GLB1L: variants seen among roughly 807,000 people sequenced by gnomAD.
The protein encoded by GLB1L is galactosidase beta 1 like.
A neutral mutation model predicts 75.7 loss-of-function variants in GLB1L; 58 were observed. That is an observed-to-expected ratio of 0.77 (90% CI 0.62 to 0.95). GLB1L has a LOEUF of 0.95. Among genes scored for constraint, GLB1L ranks in the 40% least tolerant of loss-of-function variants. The pLI is 0.00. For missense variants in GLB1L, 797 were observed against 805.5 expected (o/e 0.99, Z 0.13); for synonymous variants, 296 against 303.0 (o/e 0.98, Z 0.24).
Position 219,236,764 on chromosome 2 carries a change from T to A in GLB1L, c.*308A>T. The A allele has an allele frequency of 3.6e-6, 1 of 278,060 alleles. No homozygotes were observed. Among genetic ancestry groups the A allele is most frequent in the East Asian group, 6.6e-5 (1 of 15,132 alleles). 17.2% of individuals were successfully genotyped at this position (278,060 alleles called of 1,614,324 possible). A position where few individuals can be genotyped will look rare whatever the true frequency, so the allele number is the denominator to read the frequency against. On this transcript the variant is annotated 3_prime_UTR_variant, in exon 17 of 17. Transcript: ENST00000295759. ...ATGTCCCAGGTCCAAGGGTTACTTT[T>A]TTTTTTTTTTTTTTTTTTGAGATGG...
chr2:219,243,639 G>A lies in GLB1L; in HGVS notation c.-66C>T, dbSNP rs1951455099. Reference sequence around the variant, plus strand: ...CCGTCACGTGTCGGATTCCTGGGAGGGAACCTCAGCGAGCAAGGGGGCGGA... The same window carrying A: ...CCGTCACGTGTCGGATTCCTGGGAGAGAACCTCAGCGAGCAAGGGGGCGGA... On this transcript the variant is annotated 5_prime_UTR_variant, in exon 2 of 17. Coordinates refer to ENST00000295759, the MANE Select transcript of GLB1L (RefSeq NM_001286423.2). The A allele has an allele frequency of 4.5e-6, 7 of 1,549,982 alleles. No individual in the cohort carries two copies. The highest frequency in any genetic ancestry group is 6.2e-6 in the Non-Finnish European group (7 of 1,123,380).
At position 219,243,089 on chromosome 2, in the gene GLB1L, A is replaced by G; in HGVS notation, c.239+59T>C. 4.5e-6 allele frequency: 7 copies of G among 1,558,412 alleles called. 1 individual carries two copies. The South Asian group carries it at 8.3e-5, about 19-fold the overall frequency. The stretch of plus-strand genomic sequence containing the variant: ...GTCTTCCTGTCCCGACCTTCTTTAT[A>G]AGGGGGCGGTAGAAAAAGTAGATCC... On this transcript the variant is annotated intron_variant, in intron 3 of 16. Coordinates refer to ENST00000295759, the MANE Select transcript of GLB1L (RefSeq NM_001286423.2).
Position 219,237,291 on chromosome 2 carries a change from T to C in GLB1L, c.1746A>G (p.Pro582=). The C allele has an allele frequency of 6.2e-7, 1 of 1,614,144 alleles. No homozygotes were observed. The highest frequency in any genetic ancestry group is 8.5e-7 in the Non-Finnish European group (1 of 1,180,016). Residue 582 remains proline, a synonymous_variant, in exon 17 of 17, where the codon CCA becomes CCG. Transcript: ENST00000295759. ...NLGRYWTKQG[P]QQTLYVPRFL... is the part of the protein sequence containing the mutation. ...ATCTTGGCACGTAGAGGGTCTGTTG[T>C]GGCCCCTGCTTTGTCCAGTACCGGC...
In GLB1L at chr2:219,238,996, CA is replaced by C. The variant is rs1162515324; in HGVS notation, c.1062+95del. 11 of 959,666 alleles carry C rather than the reference CA, an allele frequency of 1.1e-5. No individual in the cohort carries two copies. In the Admixed American group the frequency reaches 2.3e-4, roughly 20 times the overall value. The allele number at this position is 959,666 out of a possible 1,614,324, so 59.4% of individuals were successfully genotyped here. ...TGCTCAGAAGGCTCTGTGGCCCAGACAATAACCACCAATTTATGGGATACCT... is the reference window on the plus strand; with the variant it reads ...TGCTCAGAAGGCTCTGTGGCCCAGACATAACCACCAATTTATGGGATACCT... On this transcript the variant is annotated intron_variant, in intron 11 of 16. Transcript: ENST00000295759.
At chr2:219,242,694 G>C (rs1951420692) in intron 4 of GLB1L, 74 bp downstream of exon 4, 2 of 1,556,440 alleles carry the variant, frequency 1.3e-6, no homozygotes, top group South Asian at 2.2e-5. Context: ...GATGGCCCTA[G>C]AGTGTGGGCA....
Position 219,238,153 on chromosome 2 carries a change from C to T in GLB1L, c.1341+97G>A. The T allele has an allele frequency of 3.7e-6, 4 of 1,066,808 alleles. No individual in the cohort carries two copies. The East Asian group carries it at 9.5e-5, about 25-fold the overall frequency. The allele number at this position is 1,066,808 out of a possible 1,614,324, so 66.1% of individuals were successfully genotyped here. On this transcript the variant is annotated intron_variant, in intron 14 of 16. Transcript: ENST00000295759. ...CCCTGGAACCCTCTGCAAACGTGAA[C>T]AGGCAGGTGGGAAAGTGTAAATATG...
intron 3 of GLB1L, 25 bp from the exon 4 acceptor site, chr2:219,242,943 A>C (rs3755049): frequency 1.9e-5 from 30 of 1,613,462 alleles, no homozygotes; most frequent in Admixed American, 1.5e-4. Context: ...GGTTAATAGG[A>C]ACCAAGGTGA....
At chr2:219,237,786 T>C in intron 15 of GLB1L, 40 bp downstream of exon 15, 1 of 1,613,108 alleles carries the variant, frequency 6.2e-7, no homozygotes. Flanking sequence ...AAGTTATCCT[T>C]AATCAAGCCC....
At position 219,237,667 on chromosome 2, in the gene GLB1L, G is replaced by A; in HGVS notation, c.1534C>T (p.Leu512=). The stretch of plus-strand genomic sequence containing the variant: ...CACTTCACAAGGTTATCAATTTTCA[G>A]AGGGAACATCATCCACTGGGTAAGG... ...TILTQWMMFP[L]KIDNLVKWWF... Residue 512 remains leucine, a synonymous_variant, in exon 16 of 17, where the codon CTG becomes TTG. Transcript: ENST00000295759. 6.2e-7 allele frequency: 1 copy of A among 1,614,218 alleles called. No homozygotes were observed. Among genetic ancestry groups the A allele is most frequent in the Non-Finnish European group, 8.5e-7 (1 of 1,180,050 alleles).
rs536398103 is a variant in GLB1L at position 219,243,281 on chromosome 2, G to A, written c.106C>T (p.His36Tyr). 240 of 1,612,290 alleles carry A rather than the reference G, an allele frequency of 1.5e-4. 3 individuals are homozygous for A. In the South Asian group the frequency reaches 2.5e-3, roughly 17 times the overall value. The change falls in exon 3 of 17, where the codon CAT becomes TAT. Residue 36 changes from histidine (H) to tyrosine (Y), a missense_variant. His to Tyr is a moderately conservative substitution (Grantham distance 83). Coordinates refer to ENST00000295759, the MANE Select transcript of GLB1L (RefSeq NM_001286423.2). Reference protein sequence around the residue: ...DTRSFVVDRGHDRFLLDGAPF... With the variant: ...DTRSFVVDRGYDRFLLDGAPF... ...GCCCCGTCTAGGAGAAACCGGTCATGACCCCTATCCACTACGAACGACCGA... is the reference window on the plus strand; with the variant it reads ...GCCCCGTCTAGGAGAAACCGGTCATAACCCCTATCCACTACGAACGACCGA...
At chr2:219,243,086 T>C in intron 3 of GLB1L, 62 bp downstream of exon 3, 2 of 1,558,490 alleles carry the variant, frequency 1.3e-6, no homozygotes, top group Non-Finnish European at 1.7e-6. Context: ...CGACCTTCTT[T>C]ATAAGGGGGC....
At chr2:219,240,849 G>A (rs1951368164) in intron 5 of GLB1L, among the ~76,000 whole-genome samples, 1 of 152,194 alleles carries the variant, frequency 6.6e-6, no homozygotes, top group Non-Finnish European at 1.5e-5. Context: ...CTGAGGCCAA[G>A]GCAGGGGTGG....
intron 5 of GLB1L, among the ~76,000 whole-genome samples, chr2:219,241,465 T>TATATATATATATATAC (rs1457421471): frequency 7.3e-6 from 1 of 136,526 alleles, no homozygotes; most frequent in East Asian, 2.2e-4. Flanking sequence ...TATATATATA[T>TATATATATATATATAC]ACATACATAT....
chr2:219,241,455 T>C (rs1951390713), intron 5 of GLB1L, among the ~76,000 whole-genome samples: 1 of 138,474 alleles, frequency 7.2e-6, no homozygotes, highest in Non-Finnish European at 1.6e-5. Context: ...TATATATATA[T>C]ATATATATAT....
rs190398597 is a variant in GLB1L at position 219,236,707 on chromosome 2, C to T, written c.*365G>A. The T allele has an allele frequency of 1.8e-4, 80 of 457,004 alleles. No homozygotes were observed. In the East Asian group the frequency reaches 2.2e-3, roughly 13 times the overall value. The allele number at this position is 457,004 out of a possible 1,614,324, so 28.3% of individuals were successfully genotyped here. ...GTGGCCTTTAGTTCCTTAGGGTCACCGTGGCCAGCACCAAGGGATCCTGCC... is the reference window on the plus strand; with the variant it reads ...GTGGCCTTTAGTTCCTTAGGGTCACTGTGGCCAGCACCAAGGGATCCTGCC... On this transcript the variant is annotated 3_prime_UTR_variant, in exon 17 of 17. Transcript: ENST00000295759.
At chr2:219,237,453 C>T in intron 16 of GLB1L, 59 bp downstream of exon 16, 1 of 1,605,096 alleles carries the variant, frequency 6.2e-7, no homozygotes, top group Non-Finnish European at 8.5e-7. Context: ...CTGCTCCCCT[C>T]CTTCTGTGAT....
At chr2:219,238,940 A>G in intron 11 of GLB1L, 152 bp downstream of exon 11, 1 of 824,660 alleles carries the variant, frequency 1.2e-6, no homozygotes, top group Non-Finnish European at 2.0e-6. Context: ...ACATAGTCCC[A>G]TTTGGTTGAA....
At position 219,237,159 on chromosome 2, in the gene GLB1L, G is replaced by A. The variant is rs767877997; in HGVS notation, c.1878C>T (p.Ser626=). 2 of 1,613,764 alleles carry A rather than the reference G, an allele frequency of 1.2e-6. No individual in the cohort carries two copies. Among genetic ancestry groups the A allele is most frequent in the Non-Finnish European group, 1.7e-6 (2 of 1,179,756 alleles). Residue 626 remains serine (S), a synonymous_variant, in exon 17 of 17, where the codon AGC becomes AGT. Transcript: ENST00000295759. ...TATGTGTCCTGTGCAAAGTACTAGT[G>A]CTATTGAGGATAGGCTTATCCAAAA... ...VQFLDKPILN[S]TSTLHRTHIN...
intron 16 of GLB1L, 72 bp downstream of exon 16, chr2:219,237,440 T>C (rs996037613): frequency 9.4e-6 from 15 of 1,601,922 alleles, no homozygotes; most frequent in Non-Finnish European, 1.2e-5. Context: ...CAGAGGATAC[T>C]TTCTGCTCCC....
Sources: allele counts gnomAD v4.1 joint callset (sites outside exome capture counted in the v4.1 genomes callset), GRCh38; gene constraint gnomAD v4.1.1; transcripts MANE v1.5; gene names NCBI Gene and HGNC (gene_info 2026-07-23, HGNC 2026-07-21).